The following CNTN5 variants were observed in gnomAD, a reference collection of about 807,000 sequenced individuals.
The protein encoded by CNTN5 is contactin-5.
In CNTN5, 77 loss-of-function variants were observed where a neutral mutation model predicts 129.1. That is an observed-to-expected ratio of 0.60 (90% CI 0.50 to 0.72). The LOEUF (loss-of-function observed/expected upper bound fraction) is 0.72, where lower values mean the gene tolerates loss of function less well. Ranked by LOEUF, CNTN5 falls within the 30% of genes least tolerant of loss-of-function variation. The probability of loss-of-function intolerance (pLI) is 0.00; values close to 1 mark genes in which losing one functional copy is unlikely to be tolerated. For synonymous variants in CNTN5, 509 were observed against 465.6 expected (o/e 1.09, Z -1.20); for missense variants, 1,478 against 1,328.8 (o/e 1.11, Z -1.75).
intron 6 of CNTN5, among the ~76,000 whole-genome samples, chr11:99,910,892 G>A (rs547633350): frequency 5.5e-4 from 84 of 152,198 alleles, no homozygotes; most frequent in African/African-American, 2.0e-3. Flanking sequence ...TAATCCTGAT[G>A]ATAGTAACAG....
chr11:99,981,799 T>C (rs1938365202), intron 8 of CNTN5, among the ~76,000 whole-genome samples: 1 of 152,202 alleles, frequency 6.6e-6, no homozygotes. Context: ...TAAAACTAGC[T>C]CTTATCACTA....
At chr11:99,241,100 G>T (rs1427258143) in intron 1 of CNTN5, among the ~76,000 whole-genome samples, 1 of 152,058 alleles carries the variant, frequency 6.6e-6, no homozygotes, top group South Asian at 2.1e-4. Flanking sequence ...GTCTGTAGTA[G>T]AATTAATCTT....
intron 1 of CNTN5, among the ~76,000 whole-genome samples, chr11:99,201,022 C>CAT (rs1859149435): frequency 2.4e-5 from 2 of 83,180 alleles, no homozygotes; most frequent in East Asian, 7.6e-4. Context: ...TCCTTCCTTC[C>CAT]TTTTTTTTTT....
chr11:100,243,373 C>T (rs1230101039), intron 16 of CNTN5, among the ~76,000 whole-genome samples: 1 of 152,160 alleles, frequency 6.6e-6, no homozygotes, highest in Admixed American at 6.6e-5. Flanking sequence ...ACCTTAAAAT[C>T]TTGCCCAATT....
chr11:99,023,836 A>G (rs529690284), intron 1 of CNTN5, among the ~76,000 whole-genome samples: 1 of 152,338 alleles, frequency 6.6e-6, no homozygotes, highest in African/African-American at 2.4e-5. Flanking sequence ...TAATAAACTC[A>G]TACATTCATG....
intron 21 of CNTN5, among the ~76,000 whole-genome samples, chr11:100,332,315 T>C (rs1951921076): frequency 6.6e-6 from 1 of 151,778 alleles, no homozygotes; most frequent in African/African-American, 2.4e-5. Flanking sequence ...AGACCAATAA[T>C]GAGCAGCGAG....
intron 13 of CNTN5, among the ~76,000 whole-genome samples, chr11:100,113,586 T>C (rs2138128808): frequency 6.6e-6 from 1 of 151,960 alleles, no homozygotes; most frequent in East Asian, 1.9e-4. Flanking sequence ...TTAAAGTGGA[T>C]GAAGGGAGCA....
chr11:99,580,548 T>C (rs1439813288), intron 3 of CNTN5, among the ~76,000 whole-genome samples: 1 of 152,198 alleles, frequency 6.6e-6, no homozygotes, highest in Non-Finnish European at 1.5e-5. Flanking sequence ...TTCTTCCTGG[T>C]TTAGTCTTGG....
intron 1 of CNTN5, among the ~76,000 whole-genome samples, chr11:99,160,913 C>T (rs929678794): frequency 1.6e-4 from 25 of 152,246 alleles, no homozygotes; most frequent in African/African-American, 6.0e-4. Flanking sequence ...TTGAATAGAT[C>T]ACGTAATTTC....
chr11:99,877,660 TTAACA>T (rs1239341197), intron 6 of CNTN5, among the ~76,000 whole-genome samples: 1 of 152,186 alleles, frequency 6.6e-6, no homozygotes. Flanking sequence ...AAGGGTAATT[TTAACA>T]TAACAGTCTT....
At chr11:100,142,322 C>T (rs950194751) in intron 13 of CNTN5, among the ~76,000 whole-genome samples, 8 of 152,164 alleles carry the variant, frequency 5.3e-5, no homozygotes, top group African/African-American at 1.9e-4. Flanking sequence ...ATCCGTCTGT[C>T]TGTCTGTCTG....
chr11:99,925,005 A>G (rs545787913), intron 7 of CNTN5, among the ~76,000 whole-genome samples: 1 of 152,314 alleles, frequency 6.6e-6, no homozygotes, highest in African/African-American at 2.4e-5. Flanking sequence ...TTATATATCT[A>G]TAGGTAGCTC....
intron 6 of CNTN5, among the ~76,000 whole-genome samples, chr11:99,872,653 C>T (rs1173649209): frequency 1.4e-4 from 21 of 152,070 alleles, no homozygotes; most frequent in Admixed American, 1.4e-3. Context: ...AGAAGCCGGA[C>T]TTTCTGGTGG....
chr11:100,038,644 G>C (rs1389761884), intron 9 of CNTN5, among the ~76,000 whole-genome samples: 2 of 151,980 alleles, frequency 1.3e-5, no homozygotes, highest in Admixed American at 1.3e-4. Flanking sequence ...TTATGAATCT[G>C]GGTGCTCCTG....
intron 1 of CNTN5, among the ~76,000 whole-genome samples, chr11:99,182,006 G>T (rs1270307754): frequency 6.6e-6 from 1 of 152,084 alleles, no homozygotes; most frequent in African/African-American, 2.4e-5. Context: ...CATACATTAT[G>T]ATGCCTCTCA....
intron 2 of CNTN5, among the ~76,000 whole-genome samples, chr11:99,430,895 T>C (rs1011841823): frequency 2.0e-5 from 3 of 151,940 alleles, no homozygotes; most frequent in Non-Finnish European, 4.4e-5. Context: ...TTGCTGTTTC[T>C]GGAAGAAAAA....
chr11:99,574,504 C>T (rs1949282142), intron 3 of CNTN5, among the ~76,000 whole-genome samples: 1 of 152,240 alleles, frequency 6.6e-6, no homozygotes, highest in Non-Finnish European at 1.5e-5. Flanking sequence ...AATGATTGAA[C>T]TAATTTACAT....
chr11:99,025,734 T>C (rs1217167023), intron 1 of CNTN5, among the ~76,000 whole-genome samples: 1 of 151,710 alleles, frequency 6.6e-6, no homozygotes, highest in Admixed American at 6.6e-5. Flanking sequence ...ATTTCATTAG[T>C]TGCAGGAGTT....
intron 3 of CNTN5, among the ~76,000 whole-genome samples, chr11:99,575,310 T>C (rs1949309567): frequency 6.6e-6 from 1 of 152,176 alleles, no homozygotes. Context: ...TAAATGATGC[T>C]GTTGGCAGTG....
Sources: allele counts gnomAD v4.1 joint callset (sites outside exome capture counted in the v4.1 genomes callset), GRCh38; gene constraint gnomAD v4.1.1; transcripts MANE v1.5; gene names NCBI Gene and HGNC (gene_info 2026-07-23, HGNC 2026-07-21).